NAT2: variants seen among roughly 807,000 people sequenced by gnomAD.
The protein encoded by NAT2 is N-acetyltransferase 2.
For synonymous variants in NAT2, 137 were observed against 125.9 expected, an observed-to-expected ratio of 1.09 and a Z score of -0.59; for missense variants, 428 against 339.1, an observed-to-expected ratio of 1.26 and a Z score of -2.06.
Position 18,400,875 on chromosome 8 carries a change from A to C in NAT2, c.872A>C (p.Ter291SerextTer16). Residue 291 changes from the stop codon to serine (S), a stop_lost, in exon 2 of 2, where the codon TAG (stop) becomes TCG (serine). Transcript: ENST00000286479. ...CCTGGTGATGGATCCCTTACTATTT[A>C]GAATAAGGAACAAAATAAACCCTTG... ...PKPGDGSLTI* is the reference protein window; with the variant it reads ...PKPGDGSLTIS 6.4e-7 allele frequency: 1 copy of C among 1,572,706 alleles called. No homozygotes were observed.
chr8:18,394,075 T>C (rs1800641046), intron 1 of NAT2, among the ~76,000 whole-genome samples: 1 of 152,032 alleles, frequency 6.6e-6, no homozygotes, highest in Non-Finnish European at 1.5e-5. Flanking sequence ...GGGGCCATTT[T>C]ATAGGATTTG....
rs1408322773 is a variant in NAT2, at chr8:18,400,220, C to T, written c.217C>T (p.Gln73Ter). ...GGGTGGGTGGTGTCTCCAGGTCAAT[C>T]AACTTCTGTACTGGGCTCTGACCAC... The part of the protein sequence containing the change: ...NRGGWCLQVN[Q>*]LLYWALTTIG... The change falls in exon 2 of 2, where the codon CAA (glutamine) becomes TAA (stop). Residue 73 changes from glutamine to a stop codon, truncating the protein, a stop_gained. Coordinates refer to ENST00000286479, the MANE Select transcript of NAT2 (RefSeq NM_000015.3). LOFTEE classifies it low-confidence loss of function (END_TRUNC). 1.2e-6 allele frequency: 2 copies of T among 1,612,022 alleles called. No individual in the cohort carries two copies. Among genetic ancestry groups the T allele is most frequent in the African/African-American group, 1.3e-5 (1 of 74,840 alleles).
upstream of NAT2, among the ~76,000 whole-genome samples, chr8:18,386,820 TC>T (rs34656634): frequency 6.6e-6 from 1 of 152,100 alleles, no homozygotes; most frequent in African/African-American, 2.4e-5. Flanking sequence ...GTTCACTCTT[TC>T]CCTAGGGTCT....
intron 1 of NAT2, among the ~76,000 whole-genome samples, chr8:18,398,667 T>C (rs536404571): frequency 6.6e-6 from 1 of 152,300 alleles, no homozygotes; most frequent in East Asian, 1.9e-4. Context: ...CTCAAGTTAC[T>C]AGTAAATTCT....
At chr8:18,394,205 A>T (rs2117614403) in intron 1 of NAT2, among the ~76,000 whole-genome samples, 1 of 152,352 alleles carries the variant, frequency 6.6e-6, no homozygotes, top group South Asian at 2.1e-4. Flanking sequence ...GGAATTTCAC[A>T]AGACAGTGTC....
intron 1 of NAT2, among the ~76,000 whole-genome samples, chr8:18,395,143 T>A (rs1377818352): frequency 6.6e-6 from 1 of 152,206 alleles, no homozygotes; most frequent in Admixed American, 6.5e-5. Flanking sequence ...ATGAACATAT[T>A]AGTTCTCCAT....
At chr8:18,386,837 A>ATC (rs952960049), upstream of NAT2, among the ~76,000 whole-genome samples, 2 of 152,118 alleles carry the variant, frequency 1.3e-5, no homozygotes, top group African/African-American at 4.8e-5. Flanking sequence ...GGTCTGAAGG[A>ATC]TCTGCGCCCT....
chr8:18,393,202 G>A (rs1246075544), intron 1 of NAT2, among the ~76,000 whole-genome samples: 1 of 152,074 alleles, frequency 6.6e-6, no homozygotes, highest in Non-Finnish European at 1.5e-5. Flanking sequence ...AAAAGCCAAG[G>A]TAATAGCTTT....
chr8:18,400,420 T>G lies in NAT2; in HGVS notation c.417T>G (p.Ser139=). ...SQMWQPLELI[S]GKDQPQVPCI... ...TGTGGCAGCCTCTAGAATTAATTTCTGGGAAGGATCAGCCTCAGGTGCCTT... is the reference window on the plus strand; with the variant it reads ...TGTGGCAGCCTCTAGAATTAATTTCGGGGAAGGATCAGCCTCAGGTGCCTT... Residue 139 remains serine (S), a synonymous_variant, in exon 2 of 2, where the codon TCT becomes TCG. Transcript: ENST00000286479. The G allele has an allele frequency of 1.2e-6, 2 of 1,612,352 alleles. No homozygotes were observed. The highest frequency in any genetic ancestry group is 1.7e-6 in the Non-Finnish European group (2 of 1,179,516).
chr8:18,388,447 CTT>C (rs941124578), upstream of NAT2, among the ~76,000 whole-genome samples: 1 of 121,154 alleles, frequency 8.3e-6, no homozygotes, highest in African/African-American at 3.2e-5. Flanking sequence ...TTATCCCAAA[CTT>C]TACTTGTTGA....
At chr8:18,392,971 G>C (rs1347256982) in intron 1 of NAT2, among the ~76,000 whole-genome samples, 1 of 152,050 alleles carries the variant, frequency 6.6e-6, no homozygotes, top group African/African-American at 2.4e-5. Context: ...CAATCGCTCT[G>C]GATCCTGGGA....
upstream of NAT2, among the ~76,000 whole-genome samples, chr8:18,388,748 G>A (rs963189765): frequency 2.0e-5 from 3 of 152,136 alleles, no homozygotes; most frequent in Admixed American, 6.5e-5. Context: ...TGCTTTCTAC[G>A]TGTATAAGTC....
intron 1 of NAT2, among the ~76,000 whole-genome samples, chr8:18,395,336 T>A (rs1800664937): frequency 6.6e-6 from 1 of 152,084 alleles, no homozygotes; most frequent in African/African-American, 2.4e-5. Context: ...AGGACACACT[T>A]AACAAGGAAA....
At chr8:18,387,521 C>T (rs1800524295), upstream of NAT2, 1 of 153,814 alleles carries the variant, frequency 6.5e-6, no homozygotes, top group South Asian at 1.8e-4. Context: ...GGCTCGTGCT[C>T]ATTCACCTCC....
intron 1 of NAT2, among the ~76,000 whole-genome samples, chr8:18,395,901 A>G (rs150501197): frequency 1.1e-4 from 16 of 152,114 alleles, no homozygotes; most frequent in African/African-American, 3.6e-4. Flanking sequence ...AATAAGACCT[A>G]ATAAAGACAG....
At position 18,392,285 on chromosome 8, in the gene NAT2, C is replaced by T. The variant is rs951126143; in HGVS notation, c.-7+940C>T. Among the ~76,000 whole-genome samples, 9 of 152,166 alleles carry T rather than the reference C, an allele frequency of 5.9e-5. No individual in the cohort carries two copies. In the South Asian group the frequency reaches 6.2e-4, roughly 11 times the overall value. On this transcript the variant is annotated intron_variant, in intron 1 of 1. Transcript: ENST00000286479. ...AGTGAGTCACATGATCACAAGGTGA[C>T]GTCCCACAGTAGGCCGTCTGCAAGC...
Position 18,400,251 on chromosome 8 carries a change from G to T in NAT2, c.248G>T (p.Gly83Val), listed in dbSNP as rs561124342. The T allele has an allele frequency of 3.7e-6, 6 of 1,612,628 alleles. No individual in the cohort carries two copies. The highest frequency in any genetic ancestry group is 1.1e-5 in the South Asian group (1 of 90,912). ...CTGTACTGGGCTCTGACCACAATCG[G>T]TTTTCAGACCACAATGTTAGGAGGG... Reference protein sequence around the residue: ...QLLYWALTTIGFQTTMLGGYF... With the variant: ...QLLYWALTTIVFQTTMLGGYF... The change falls in exon 2 of 2, where the codon GGT (glycine) becomes GTT (valine). Residue 83 changes from glycine to valine, a missense_variant. Transcript: ENST00000286479.
intron 1 of NAT2, among the ~76,000 whole-genome samples, chr8:18,396,621 C>G (rs1800697044): frequency 6.6e-6 from 1 of 152,092 alleles, no homozygotes; most frequent in African/African-American, 2.4e-5. Context: ...GTCTCGAACC[C>G]CTGACCTCGT....
intron 1 of NAT2, 89 bp from the exon 2 acceptor site, chr8:18,399,908 AT>A (rs1800757504): frequency 7.2e-7 from 1 of 1,379,878 alleles, no homozygotes; most frequent in South Asian, 1.5e-5. Flanking sequence ...GTTTTTACGT[AT>A]TTAAAATACG....
Sources: gnomAD v4.1 joint callset for allele counts (sites outside exome capture counted in the v4.1 genomes callset) on GRCh38, gnomAD v4.1.1 for gene constraint, MANE v1.5 for transcripts, NCBI Gene and HGNC (gene_info 2026-07-23, HGNC 2026-07-21) for gene names.